Variants in ANTXR1 observed in about 807,000 individuals in gnomAD.
The protein encoded by ANTXR1 is ANTXR cell adhesion molecule 1.
ANTXR1 carries 19 observed loss-of-function variants against 78.1 expected under a neutral mutation model. That is an observed-to-expected ratio of 0.24 (90% confidence interval 0.17 to 0.36). ANTXR1 has a LOEUF of 0.36. ANTXR1 is among the 10% of genes least tolerant of loss of function. The pLI is 1.00. For missense variants in ANTXR1, 518 were observed against 718.6 expected (o/e 0.72, Z 3.19); for synonymous variants, 273 against 260.5 (o/e 1.05, Z -0.46).
chr2:69,036,084 G>C (rs575966528), intron 1 of ANTXR1, among the ~76,000 whole-genome samples: 2 of 152,252 alleles, frequency 1.3e-5, no homozygotes, highest in South Asian at 2.1e-4. Flanking sequence ...TTGAGAATGA[G>C]GAAATATTAA....
In ANTXR1 at chr2:69,249,192, T is replaced by C. The variant is rs1040025123; in HGVS notation, c.*3707T>C. On this transcript the variant is annotated 3_prime_UTR_variant, in exon 18 of 18. Coordinates refer to ENST00000303714, the MANE Select transcript of ANTXR1 (RefSeq NM_032208.3). Reference sequence around the variant, plus strand: ...TCAACTCTTTTTTCTGGTTGTCTGTTTGTTATAAAGTGCAACGTATTCAAG... The same window carrying C: ...TCAACTCTTTTTTCTGGTTGTCTGTCTGTTATAAAGTGCAACGTATTCAAG... 6.6e-6 allele frequency: 1 copy of C among 150,644 alleles called. No individual in the cohort carries two copies. The highest frequency in any genetic ancestry group is 1.5e-5 in the Non-Finnish European group (1 of 67,842). The allele number at this position is 150,644 out of a possible 1,614,324, so 9.3% of individuals were successfully genotyped here. A position where few individuals can be genotyped will look rare whatever the true frequency, so the allele number is the denominator to read the frequency against.
chr2:69,152,302 G>A, intron 13 of ANTXR1, 38 bp downstream of exon 13: 5 of 1,588,444 alleles, frequency 3.1e-6, no homozygotes, highest in Non-Finnish European at 4.3e-6. Context: ...AAGGTGAAGG[G>A]TGACATAAAG....
At chr2:69,072,224 T>TTTCC (rs879511611) in intron 5 of ANTXR1, among the ~76,000 whole-genome samples, 68 of 152,304 alleles carry the variant, frequency 4.5e-4, no homozygotes, top group Middle Eastern at 3.4e-3. Flanking sequence ...TTTCCTATAT[T>TTTCC]TAAATGAAAA....
At chr2:69,075,028 T>C (rs893196020) in intron 6 of ANTXR1, among the ~76,000 whole-genome samples, 52 of 148,146 alleles carry the variant, frequency 3.5e-4, no homozygotes, top group Non-Finnish European at 6.4e-4. Context: ...ACAATTTCCA[T>C]ACCATTAAAC....
At chr2:69,164,020 C>G (rs1238073690) in intron 13 of ANTXR1, among the ~76,000 whole-genome samples, 1 of 152,206 alleles carries the variant, frequency 6.6e-6, no homozygotes, top group African/African-American at 2.4e-5. Flanking sequence ...CACATATGAA[C>G]AGTCACAAGT....
chr2:69,215,746 T>C (rs1220660530), intron 17 of ANTXR1, among the ~76,000 whole-genome samples: 4 of 152,210 alleles, frequency 2.6e-5, no homozygotes, highest in Non-Finnish European at 5.9e-5. Flanking sequence ...AAAAAATTAA[T>C]GAACCTGGGC....
At chr2:69,181,683 C>T in intron 14 of ANTXR1, 103 bp from the exon 15 acceptor site, 3 of 1,088,690 alleles carry the variant, frequency 2.8e-6, no homozygotes, top group Non-Finnish European at 2.8e-6. Flanking sequence ...TGCACCCAGG[C>T]AGTCTGACTC....
At chr2:69,222,402 A>G (rs1218090674) in intron 17 of ANTXR1, among the ~76,000 whole-genome samples, 1 of 152,204 alleles carries the variant, frequency 6.6e-6, no homozygotes, top group Non-Finnish European at 1.5e-5. Flanking sequence ...TTTTAAGTGG[A>G]CAGTAATGTC....
At chr2:69,206,826 C>T (rs1410633961) in intron 17 of ANTXR1, among the ~76,000 whole-genome samples, 1 of 152,232 alleles carries the variant, frequency 6.6e-6, no homozygotes, top group African/African-American at 2.4e-5. Context: ...AGTAGATCCA[C>T]TGCTGGTGGG....
At chr2:69,243,586 G>A (rs891624539) in intron 17 of ANTXR1, among the ~76,000 whole-genome samples, 3 of 152,156 alleles carry the variant, frequency 2.0e-5, no homozygotes, top group Non-Finnish European at 4.4e-5. Flanking sequence ...GGCCCATCCT[G>A]AGCCAAGTCT....
chr2:69,177,838 T>C (rs1674173891), intron 14 of ANTXR1, among the ~76,000 whole-genome samples: 2 of 152,174 alleles, frequency 1.3e-5, no homozygotes, highest in Non-Finnish European at 2.9e-5. Context: ...CTCGGGGGGA[T>C]TGGGGGTCGT....
chr2:69,166,952 T>G (rs541431573), intron 13 of ANTXR1, among the ~76,000 whole-genome samples: 55 of 152,380 alleles, frequency 3.6e-4, no homozygotes, highest in Non-Finnish European at 5.3e-4. Context: ...GAGAACCTTG[T>G]CCTTTCTGTG....
At chr2:69,068,613 G>A (rs1200955702) in intron 3 of ANTXR1, among the ~76,000 whole-genome samples, 1 of 152,220 alleles carries the variant, frequency 6.6e-6, no homozygotes, top group Non-Finnish European at 1.5e-5. Context: ...GGAGGCAAGA[G>A]CCATCTACAT....
At chr2:69,217,390 G>A (rs955327589) in intron 17 of ANTXR1, among the ~76,000 whole-genome samples, 2 of 152,322 alleles carry the variant, frequency 1.3e-5, no homozygotes, top group East Asian at 1.9e-4. Context: ...GTTCAGTTTC[G>A]TGTAATTATT....
chr2:69,098,277 A>G (rs933394696), intron 9 of ANTXR1, among the ~76,000 whole-genome samples: 112 of 152,368 alleles, frequency 7.4e-4, no homozygotes, highest in Non-Finnish European at 1.5e-4. Context: ...ATTAAAAGCT[A>G]TAACTGAAAA....
At chr2:69,131,961 A>AC (rs1672761784) in intron 12 of ANTXR1, among the ~76,000 whole-genome samples, 1 of 152,190 alleles carries the variant, frequency 6.6e-6, no homozygotes, top group Admixed American at 6.5e-5. Context: ...GTAGGAGCAG[A>AC]CCCCTGCCTG....
At chr2:69,188,034 C>CA (rs34500820) in intron 16 of ANTXR1, among the ~76,000 whole-genome samples, 3,757 of 90,506 alleles carry the variant, frequency 0.042, 190 homozygotes, top group Non-Finnish European at 0.059. Context: ...TGCTGCCTGG[C>CA]AAAAAAAAAA....
chr2:69,046,718 G>T (rs549504836), intron 3 of ANTXR1, among the ~76,000 whole-genome samples: 1 of 152,274 alleles, frequency 6.6e-6, no homozygotes, highest in South Asian at 2.1e-4. Flanking sequence ...AAAGAATCAG[G>T]CTTTCAGATC....
chr2:69,215,526 C>T (rs1311517491), intron 17 of ANTXR1, among the ~76,000 whole-genome samples: 2 of 152,218 alleles, frequency 1.3e-5, no homozygotes, highest in African/African-American at 4.8e-5. Flanking sequence ...TAGACATCAT[C>T]TGGTTTATTC....
Sources: allele counts gnomAD v4.1 joint callset (sites outside exome capture counted in the v4.1 genomes callset), GRCh38; gene constraint gnomAD v4.1.1; transcripts MANE v1.5; gene names NCBI Gene and HGNC (gene_info 2026-07-23, HGNC 2026-07-21).